The following FIGN variants were observed in gnomAD, a reference collection of about 807,000 sequenced individuals.
The protein encoded by FIGN is fidgetin, microtubule severing factor, also known as fidgetin.
A neutral mutation model predicts 51.3 loss-of-function variants in FIGN; 11 were observed. The observed-to-expected ratio is 0.21, with a 90% CI of 0.13 to 0.35. FIGN has a LOEUF of 0.35. Ranked by LOEUF, FIGN falls within the 10% of genes least tolerant of loss-of-function variation. The probability of loss-of-function intolerance (pLI) is 1.00; values close to 1 mark genes in which losing one functional copy is unlikely to be tolerated. For missense variants in FIGN, 857 were observed against 943.6 expected, an observed-to-expected ratio of 0.91 and a Z score of 1.20; for synonymous variants, 407 against 363.2, an observed-to-expected ratio of 1.12 and a Z score of -1.37.
chr2:163,710,332 C>G (rs16848820), intron 2 of FIGN, among the ~76,000 whole-genome samples: 29,368 of 152,142 alleles, frequency 0.19, 3,082 homozygotes, highest in East Asian at 0.37. Context: ...ACAAGCTACA[C>G]TTTCGTGGAA....
At chr2:163,684,919 G>A (rs1370192995) in intron 2 of FIGN, among the ~76,000 whole-genome samples, 5 of 151,208 alleles carry the variant, frequency 3.3e-5, no homozygotes, top group East Asian at 2.0e-4. Context: ...GGATTAAGGC[G>A]GGAGCCACCA....
intron 2 of FIGN, among the ~76,000 whole-genome samples, chr2:163,638,880 G>C (rs1683265751): frequency 6.6e-6 from 1 of 151,752 alleles, no homozygotes. Context: ...ACATCTCCAA[G>C]GCTGTTTCCT....
At chr2:163,674,974 A>C (rs1683934199) in intron 2 of FIGN, among the ~76,000 whole-genome samples, 1 of 152,232 alleles carries the variant, frequency 6.6e-6, no homozygotes, top group South Asian at 2.1e-4. Context: ...AATTTAAAGT[A>C]ACATCTAAAT....
At chr2:163,613,422 C>G (rs929747870) in intron 2 of FIGN, among the ~76,000 whole-genome samples, 4 of 152,172 alleles carry the variant, frequency 2.6e-5, no homozygotes, top group African/African-American at 4.8e-5. Context: ...GTTTCTACCC[C>G]CTTCTGTGCT....
chr2:163,614,151 A>G (rs1163412714), intron 2 of FIGN, among the ~76,000 whole-genome samples: 1 of 152,136 alleles, frequency 6.6e-6, no homozygotes, highest in Non-Finnish European at 1.5e-5. Context: ...TTCCAGGGAG[A>G]ACTAAAGTGG....
At chr2:163,698,887 C>A (rs1684364229) in intron 2 of FIGN, among the ~76,000 whole-genome samples, 2 of 152,036 alleles carry the variant, frequency 1.3e-5, no homozygotes, top group Non-Finnish European at 2.9e-5. Context: ...AAAAGGGAGG[C>A]TTGAAAATAA....
chr2:163,729,899 A>G (rs1174147038), intron 2 of FIGN, among the ~76,000 whole-genome samples: 1 of 152,240 alleles, frequency 6.6e-6, no homozygotes, highest in Non-Finnish European at 1.5e-5. Flanking sequence ...CAATATTCAA[A>G]TAACAAGACA....
intron 2 of FIGN, among the ~76,000 whole-genome samples, chr2:163,719,606 C>A (rs1213320442): frequency 6.6e-6 from 1 of 152,164 alleles, no homozygotes; most frequent in East Asian, 1.9e-4. Context: ...TGTAAAATTT[C>A]TGCACAGCAG....
rs556457646 is a variant in FIGN at position 163,607,863 on chromosome 2, A to G, written c.*1689T>C. ...AAGCATTGCCAAACATCAGCCCACT[A>G]TCAATGAAAGGTTGCACATAAAGCA... On this transcript the variant is annotated 3_prime_UTR_variant, in exon 3 of 3. Coordinates refer to ENST00000333129, the MANE Select transcript of FIGN (RefSeq NM_018086.4). 1.3e-5 allele frequency: 2 copies of G among 152,808 alleles called. No individual in the cohort carries two copies. Among genetic ancestry groups the G allele is most frequent in the South Asian group, 4.1e-4 (2 of 4,828 alleles). The allele number at this position is 152,808 out of a possible 1,614,324, so 9.5% of individuals were successfully genotyped here. A position where few individuals can be genotyped will look rare whatever the true frequency, so the allele number is the denominator to read the frequency against.
In FIGN at chr2:163,605,990, G is replaced by A. The variant is rs1691103454; in HGVS notation, c.*3562C>T. On this transcript the variant is annotated 3_prime_UTR_variant, in exon 3 of 3. Coordinates refer to ENST00000333129, the MANE Select transcript of FIGN (RefSeq NM_018086.4). ...TGACCTTGCTATTTTACATAGCATA[G>A]CCTCTGGATAGCTTTTATCACTTTC... 1 of 151,258 alleles carries A rather than the reference G, an allele frequency of 6.6e-6. No homozygotes were observed. The allele number at this position is 151,258 out of a possible 1,614,324, so 9.4% of individuals were successfully genotyped here. A position where few individuals can be genotyped will look rare whatever the true frequency, so the allele number is the denominator to read the frequency against.
intron 1 of FIGN, among the ~76,000 whole-genome samples, chr2:163,735,571 C>G (rs1379021000): frequency 2.6e-5 from 4 of 152,156 alleles, no homozygotes; most frequent in African/African-American, 7.2e-5. Flanking sequence ...AAGCGAGATT[C>G]TTGCAATCGC....
intron 2 of FIGN, among the ~76,000 whole-genome samples, chr2:163,708,089 A>T (rs1369211421): frequency 6.6e-6 from 1 of 152,148 alleles, no homozygotes; most frequent in East Asian, 1.9e-4. Context: ...ATTTGATGTC[A>T]TCAGGATAAC....
intron 2 of FIGN, among the ~76,000 whole-genome samples, chr2:163,644,439 T>C (rs1476504951): frequency 2.0e-5 from 3 of 152,140 alleles, no homozygotes; most frequent in Non-Finnish European, 2.9e-5. Flanking sequence ...TGACAATTGT[T>C]GATGAGGATG....
chr2:163,717,850 C>T (rs1319576991), intron 2 of FIGN, among the ~76,000 whole-genome samples: 7 of 152,180 alleles, frequency 4.6e-5, no homozygotes, highest in Admixed American at 2.6e-4. Context: ...TAAAAATCAA[C>T]GTTTCAACCA....
At chr2:163,683,463 A>G (rs139542791) in intron 2 of FIGN, among the ~76,000 whole-genome samples, 8 of 152,218 alleles carry the variant, frequency 5.3e-5, no homozygotes, top group African/African-American at 1.9e-4. Context: ...CTAGGCTAGC[A>G]TTACTGGGGA....
In FIGN at chr2:163,609,862, G is replaced by A. The variant is rs1445178845; in HGVS notation, c.1970C>T (p.Ala657Val). The A allele has an allele frequency of 6.8e-6, 11 of 1,614,116 alleles. No homozygotes were observed. The highest frequency in any genetic ancestry group is 1.3e-5 in the African/African-American group (1 of 75,016). Residue 657 changes from alanine to valine, a missense_variant, in exon 3 of 3, where the codon GCG (alanine) becomes GTG (valine). Coordinates refer to ENST00000333129, the MANE Select transcript of FIGN (RefSeq NM_018086.4). ...RLLIPLPDST[A>V]RHQIIVQLLS... ...CAGTTGTACTATTATCTGGTGCCTC[G>A]CTGTGCTGTCAGGAAGTGGGATTAA...
intron 2 of FIGN, among the ~76,000 whole-genome samples, chr2:163,678,930 C>T (rs753898808): frequency 6.6e-6 from 1 of 152,190 alleles, no homozygotes; most frequent in African/African-American, 2.4e-5. Context: ...TACTACCCCA[C>T]TCACACACAT....
At chr2:163,668,277 T>C (rs558257863) in intron 2 of FIGN, among the ~76,000 whole-genome samples, 1 of 151,340 alleles carries the variant, frequency 6.6e-6, no homozygotes, top group East Asian at 2.0e-4. Context: ...AAAAGAAGGG[T>C]CAAGCCCTGG....
chr2:163,734,216 C>G (rs750267144), intron 2 of FIGN, among the ~76,000 whole-genome samples: 2 of 151,856 alleles, frequency 1.3e-5, no homozygotes, highest in Non-Finnish European at 2.9e-5. Context: ...AAAGCGCTGA[C>G]AGGCAGACGA....
Sources: allele counts gnomAD v4.1 joint callset (sites outside exome capture counted in the v4.1 genomes callset), GRCh38; gene constraint gnomAD v4.1.1; transcripts MANE v1.5; gene names NCBI Gene and HGNC (gene_info 2026-07-23, HGNC 2026-07-21).